Variants in KIFAP3 observed in about 807,000 individuals in gnomAD.
KIFAP3 encodes the protein kinesin-associated protein 3.
A neutral mutation model predicts 106.5 loss-of-function variants in KIFAP3; 68 were observed. The ratio of observed to expected loss-of-function variants is 0.64; its 90% CI spans 0.53 to 0.78. KIFAP3 has a LOEUF of 0.78. KIFAP3 is among the 30% of genes least tolerant of loss of function. The pLI is 0.00. For synonymous variants in KIFAP3, 320 were observed against 311.5 expected, an observed-to-expected ratio of 1.03 and a Z score of -0.29; for missense variants, 780 against 941.8, an observed-to-expected ratio of 0.83 and a Z score of 2.25.
Position 170,001,718 on chromosome 1 carries a change from A to T in KIFAP3, c.1184-9463T>A, listed in dbSNP as rs570671552. ...GAACAACCAAACCAATTTATTTTTT[A>T]AAAAATCTACTTTAAGTTTCTTAAA... is the stretch of plus-strand genomic sequence containing the variant. On this transcript the variant is annotated intron_variant, in intron 10 of 19. Coordinates refer to ENST00000361580, the MANE Select transcript of KIFAP3 (RefSeq NM_014970.4). Among the ~76,000 whole-genome samples the T allele has an allele frequency of 3.9e-5, 6 of 152,244 alleles. No individual in the cohort carries two copies. In the South Asian group the frequency reaches 8.3e-4, roughly 21 times the overall value.
At chr1:169,943,188 G>A (rs1193117598) in intron 19 of KIFAP3, among the ~76,000 whole-genome samples, 7 of 152,022 alleles carry the variant, frequency 4.6e-5, no homozygotes, top group Admixed American at 2.0e-4. Context: ...ATTTGTAATA[G>A]CACATCTGTA....
chr1:169,963,563 G>A (rs1257930029), intron 17 of KIFAP3, among the ~76,000 whole-genome samples: 2 of 152,120 alleles, frequency 1.3e-5, no homozygotes, highest in Non-Finnish European at 2.9e-5. Context: ...CACGATCTCA[G>A]CTCACTGAAA....
At chr1:170,050,325 A>C (rs889510377) in intron 2 of KIFAP3, among the ~76,000 whole-genome samples, 1 of 152,218 alleles carries the variant, frequency 6.6e-6, no homozygotes, top group Non-Finnish European at 1.5e-5. Context: ...CAAAGCCTCC[A>C]AGAAATATGG....
intron 19 of KIFAP3, among the ~76,000 whole-genome samples, chr1:169,934,678 C>G (rs1357486436): frequency 1.3e-5 from 2 of 152,056 alleles, no homozygotes; most frequent in East Asian, 3.8e-4. Flanking sequence ...ATAAGCAAAG[C>G]TGGGCAACTA....
At chr1:169,976,106 C>T (rs1251981087) in intron 16 of KIFAP3, among the ~76,000 whole-genome samples, 2 of 152,148 alleles carry the variant, frequency 1.3e-5, no homozygotes, top group South Asian at 2.1e-4. Flanking sequence ...AAAACAGAGG[C>T]AGTAACACTT....
At chr1:169,934,272 G>A (rs1663662639) in intron 19 of KIFAP3, among the ~76,000 whole-genome samples, 1 of 151,940 alleles carries the variant, frequency 6.6e-6, no homozygotes, top group Non-Finnish European at 1.5e-5. Flanking sequence ...ATAATGCCGT[G>A]GCCAATCGTT....
intron 1 of KIFAP3, among the ~76,000 whole-genome samples, chr1:170,081,938 A>G (rs1407535870): frequency 6.6e-6 from 1 of 152,234 alleles, no homozygotes; most frequent in Non-Finnish European, 1.5e-5. Context: ...AAATTGTCAG[A>G]CAATACCAAT....
At chr1:170,014,574 C>T (rs1253268727) in intron 10 of KIFAP3, among the ~76,000 whole-genome samples, 2 of 152,140 alleles carry the variant, frequency 1.3e-5, no homozygotes, top group African/African-American at 4.8e-5. Flanking sequence ...TCTTTTGAAT[C>T]CCTATATATC....
intron 11 of KIFAP3, among the ~76,000 whole-genome samples, 195 bp from the exon 12 acceptor site, chr1:169,984,885 G>C (rs78930097): frequency 0.018 from 2,797 of 151,920 alleles, 72 homozygotes; most frequent in African/African-American, 0.063. Flanking sequence ...TGAACTCTTA[G>C]ATGCTCAGCA....
chr1:170,070,326 A>G (rs1256144119), intron 1 of KIFAP3, among the ~76,000 whole-genome samples: 1 of 152,104 alleles, frequency 6.6e-6, no homozygotes, highest in Non-Finnish European at 1.5e-5. Flanking sequence ...AAATATAAGG[A>G]ACCCTAAATA....
intron 10 of KIFAP3, among the ~76,000 whole-genome samples, chr1:170,011,655 C>T (rs993791280): frequency 2.0e-5 from 3 of 151,914 alleles, no homozygotes; most frequent in South Asian, 2.1e-4. Flanking sequence ...TATCTTACTA[C>T]GGATTGAGGT....
chr1:169,994,297 A>G (rs76607540), intron 10 of KIFAP3, among the ~76,000 whole-genome samples: 3 of 152,184 alleles, frequency 2.0e-5, no homozygotes, highest in Non-Finnish European at 4.4e-5. Context: ...AGGTTATGTT[A>G]CAATACTACT....
chr1:169,957,413 T>G (rs1665079134), intron 18 of KIFAP3, among the ~76,000 whole-genome samples: 1 of 152,128 alleles, frequency 6.6e-6, no homozygotes, highest in Admixed American at 6.5e-5. Flanking sequence ...ATAAAGGCAG[T>G]TATGAACAAA....
At chr1:169,971,198 T>C (rs1277176163) in intron 17 of KIFAP3, among the ~76,000 whole-genome samples, 2 of 152,028 alleles carry the variant, frequency 1.3e-5, no homozygotes, top group Admixed American at 1.3e-4. Flanking sequence ...AAAAGTATGC[T>C]AAATGTAATG....
At chr1:170,002,762 A>G (rs1013628188) in intron 10 of KIFAP3, among the ~76,000 whole-genome samples, 1 of 152,188 alleles carries the variant, frequency 6.6e-6, no homozygotes, top group African/African-American at 2.4e-5. Flanking sequence ...ATATATGAAA[A>G]TGCTTAACAC....
chr1:170,047,331 T>C (rs1441706597), intron 2 of KIFAP3, among the ~76,000 whole-genome samples: 3 of 151,266 alleles, frequency 2.0e-5, no homozygotes, highest in African/African-American at 7.3e-5. Flanking sequence ...AAAAAAAAAG[T>C]GAGATCTGGC....
intron 17 of KIFAP3, among the ~76,000 whole-genome samples, chr1:169,963,638 GC>G (rs1198892493): frequency 1.3e-5 from 2 of 151,958 alleles, no homozygotes; most frequent in Non-Finnish European, 2.9e-5. Flanking sequence ...GATTACAGGT[GC>G]CTGCCACCAC....
At chr1:170,058,975 A>G (rs1401830933) in intron 1 of KIFAP3, among the ~76,000 whole-genome samples, 1 of 152,182 alleles carries the variant, frequency 6.6e-6, no homozygotes, top group Non-Finnish European at 1.5e-5. Flanking sequence ...AACCAATGAG[A>G]ACAAAGACAC....
intron 8 of KIFAP3, among the ~76,000 whole-genome samples, 169 bp downstream of exon 8, chr1:170,031,717 A>T (rs1040924881): frequency 6.6e-6 from 1 of 151,756 alleles, no homozygotes; most frequent in Admixed American, 6.6e-5. Context: ...AGTAGAGTGA[A>T]ATTTAAAACA....
Sources: allele counts gnomAD v4.1 joint callset (sites outside exome capture counted in the v4.1 genomes callset), GRCh38; gene constraint gnomAD v4.1.1; transcripts MANE v1.5; gene names NCBI Gene and HGNC (gene_info 2026-07-23, HGNC 2026-07-21).